The following SLC2A13 variants were observed in gnomAD, a reference collection of about 807,000 sequenced individuals.
SLC2A13 encodes the protein solute carrier family 2 member 13, also known as proton myo-inositol cotransporter.
SLC2A13 carries 32 observed loss-of-function variants against 64.4 expected under a neutral mutation model. The observed-to-expected ratio is 0.50, with a 90% CI of 0.37 to 0.67. The LOEUF (loss-of-function observed/expected upper bound fraction) is 0.67, where lower values mean the gene tolerates loss of function less well. SLC2A13 is among the 30% of genes least tolerant of loss of function. SLC2A13 has a pLI of 0.00. For missense variants in SLC2A13, 743 were observed against 829.2 expected (o/e 0.90, Z 1.28); for synonymous variants, 338 against 327.1 (o/e 1.03, Z -0.36).
chr12:39,776,385 A>C (rs914927297), intron 7 of SLC2A13, among the ~76,000 whole-genome samples: 2 of 152,234 alleles, frequency 1.3e-5, no homozygotes, highest in Admixed American at 6.5e-5. Flanking sequence ...CTGCCTGGCC[A>C]TAACTATGTG....
chr12:39,964,214 A>T (rs915421663), intron 3 of SLC2A13, among the ~76,000 whole-genome samples: 1 of 152,074 alleles, frequency 6.6e-6, no homozygotes, highest in African/African-American at 2.4e-5. Flanking sequence ...CCCTCCCTCA[A>T]CTCTCTTTTT....
intron 3 of SLC2A13, among the ~76,000 whole-genome samples, chr12:39,996,786 T>C (rs1227105894): frequency 6.6e-6 from 1 of 152,048 alleles, no homozygotes; most frequent in Non-Finnish European, 1.5e-5. Flanking sequence ...CCTTTTACAA[T>C]AGCTGCAAAA....
In SLC2A13 at chr12:39,812,382, C is replaced by CTTTTCTTTTCT. The variant is rs375533439; in HGVS notation, c.1445+17720_1445+17721insAGAAAAGAAAA. 4.0e-3 allele frequency among the ~76,000 whole-genome samples: 406 copies of CTTTTCTTTTCT among 101,160 alleles called. 1 individual carries two copies. Among genetic ancestry groups the CTTTTCTTTTCT allele is most frequent in the African/African-American group, 0.013 (373 of 29,056 alleles). 66.4% of individuals were successfully genotyped at this position (101,160 alleles called of 152,430 possible). ...CTTTTCTTTTCTTTTCTTTTCTTTT[C>CTTTTCTTTTCT]TTTCTTTCTCTCTCTCTTTCTTCCT... is the stretch of plus-strand genomic sequence containing the variant. On this transcript the variant is annotated intron_variant, in intron 7 of 9. Coordinates refer to ENST00000280871, the MANE Select transcript of SLC2A13 (RefSeq NM_052885.4).
chr12:39,908,664 C>T lies in SLC2A13; in HGVS notation c.1035-36703G>A, dbSNP rs892032174. Among the ~76,000 whole-genome samples the T allele has an allele frequency of 2.6e-5, 4 of 151,836 alleles. No homozygotes were observed. The East Asian group carries it at 5.8e-4, about 22-fold the overall frequency. ...GGAAGAAACTAGGGATGCAAAAGTA[C>T]CAGGATCCTGGTGTTAAGAGTTTGA... On this transcript the variant is annotated intron_variant, in intron 4 of 9. Coordinates refer to ENST00000280871, the MANE Select transcript of SLC2A13 (RefSeq NM_052885.4).
chr12:39,794,694 C>T (rs1941518541), intron 7 of SLC2A13, among the ~76,000 whole-genome samples: 1 of 152,166 alleles, frequency 6.6e-6, no homozygotes, highest in Non-Finnish European at 1.5e-5. Flanking sequence ...GTTATCCAAC[C>T]ATGTGGCAGC....
At chr12:39,829,085 GA>G (rs1330982321) in intron 7 of SLC2A13, among the ~76,000 whole-genome samples, 1 of 136,360 alleles carries the variant, frequency 7.3e-6, no homozygotes, top group Non-Finnish European at 1.7e-5. Context: ...CAAGATAAGA[GA>G]ATATTCTTTT....
chr12:39,782,330 T>C (rs1941019312), intron 7 of SLC2A13, among the ~76,000 whole-genome samples: 1 of 152,120 alleles, frequency 6.6e-6, no homozygotes, highest in African/African-American at 2.4e-5. Context: ...GGGGAGCTAA[T>C]TGAATCATGG....
At chr12:39,942,626 T>G (rs1265016364) in intron 4 of SLC2A13, among the ~76,000 whole-genome samples, 1 of 152,200 alleles carries the variant, frequency 6.6e-6, no homozygotes, top group African/African-American at 2.4e-5. Context: ...AAATTATTCC[T>G]CTGGTTATTC....
intron 1 of SLC2A13, among the ~76,000 whole-genome samples, chr12:40,100,020 T>C (rs1216335007): frequency 6.6e-6 from 1 of 152,206 alleles, no homozygotes; most frequent in African/African-American, 2.4e-5. Flanking sequence ...TTGACATTGA[T>C]CTCAACATTG....
chr12:39,828,149 A>C (rs1942745128), intron 7 of SLC2A13, among the ~76,000 whole-genome samples: 1 of 152,188 alleles, frequency 6.6e-6, no homozygotes, highest in African/African-American at 2.4e-5. Flanking sequence ...TGGTGAACAC[A>C]TCCTGCCTTT....
At chr12:39,856,237 G>GCATCCATCCATC (rs1181065538) in intron 6 of SLC2A13, among the ~76,000 whole-genome samples, 2 of 151,818 alleles carry the variant, frequency 1.3e-5, no homozygotes, top group East Asian at 3.9e-4. Flanking sequence ...ATCTATCCAT[G>GCATCCATCCATC]CATCCATCCA....
chr12:39,884,215 T>G (rs1315708971), intron 4 of SLC2A13, among the ~76,000 whole-genome samples: 2 of 152,138 alleles, frequency 1.3e-5, no homozygotes, highest in Admixed American at 6.5e-5. Context: ...GCCACCCTTC[T>G]GCCTCAACCT....
chr12:40,022,055 T>A (rs556572129), intron 3 of SLC2A13, among the ~76,000 whole-genome samples: 20 of 150,600 alleles, frequency 1.3e-4, no homozygotes, highest in Non-Finnish European at 2.1e-4. Context: ...AAAAAAGAGA[T>A]GCAGCTGTCC....
rs556876540 is a variant in SLC2A13 at position 40,043,565 on chromosome 12, G to A, written c.716+4486C>T. Among the ~76,000 whole-genome samples, 172 of 152,174 alleles carry A rather than the reference G, an allele frequency of 1.1e-3. 1 individual carries two copies. The highest frequency in any genetic ancestry group is 3.7e-3 in the African/African-American group (153 of 41,522). ...AACACCAATTCCACTAACCTGTCAA[G>A]ATTTTGGTTAGGATCAAATGGTATT... On this transcript the variant is annotated intron_variant, in intron 2 of 9. Transcript: ENST00000280871.
intron 6 of SLC2A13, among the ~76,000 whole-genome samples, chr12:39,849,658 C>G (rs1382359824): frequency 6.6e-6 from 1 of 152,150 alleles, no homozygotes; most frequent in Admixed American, 6.5e-5. Context: ...CAATTTCTCT[C>G]TGACAGGATA....
intron 3 of SLC2A13, among the ~76,000 whole-genome samples, chr12:39,988,695 AAG>A (rs1947077531): frequency 5.7e-5 from 2 of 35,362 alleles, no homozygotes; most frequent in East Asian, 4.6e-4. Flanking sequence ...GGGAGGGAGG[AAG>A]GAAGGAAGGA....
rs1349209309 is a variant in SLC2A13 at position 39,979,381 on chromosome 12, C to T, written c.926-28016G>A. Among the ~76,000 whole-genome samples, 7 of 146,600 alleles carry T rather than the reference C, an allele frequency of 4.8e-5. No homozygotes were observed. In the South Asian group the frequency reaches 6.7e-4, roughly 14 times the overall value. On this transcript the variant is annotated intron_variant, in intron 3 of 9. Transcript: ENST00000280871. ...CAGACGATCAAATTACTCTGAGCTA[C>T]GGGAGGACATTCAAACCAAAGGCAA...
intron 7 of SLC2A13, among the ~76,000 whole-genome samples, chr12:39,801,400 A>G (rs1941787517): frequency 1.3e-5 from 2 of 151,908 alleles, no homozygotes; most frequent in Admixed American, 1.3e-4. Context: ...AGGCATAAAC[A>G]AAACATAAAG....
intron 4 of SLC2A13, among the ~76,000 whole-genome samples, chr12:39,945,082 T>C (rs1381849097): frequency 2.0e-5 from 3 of 152,184 alleles, no homozygotes; most frequent in Non-Finnish European, 2.9e-5. Context: ...CAGCATTTGT[T>C]TGTCTGAAAA....
Sources: gnomAD v4.1 joint callset for allele counts (sites outside exome capture counted in the v4.1 genomes callset) on GRCh38, gnomAD v4.1.1 for gene constraint, MANE v1.5 for transcripts, NCBI Gene and HGNC (gene_info 2026-07-23, HGNC 2026-07-21) for gene names.